ELFN1: variants seen among roughly 807,000 people sequenced by gnomAD.
ELFN1 encodes protein ELFN1.
In ELFN1, 6 loss-of-function variants were observed where a neutral mutation model predicts 7.6. That is an observed-to-expected ratio of 0.79 (90% confidence interval 0.43 to 1.56). The LOEUF (loss-of-function observed/expected upper bound fraction) is 1.56, where lower values mean the gene tolerates loss of function less well. Among genes scored for constraint, ELFN1 ranks in the 40% most tolerant of loss-of-function variants. ELFN1 has a pLI of 0.01. For synonymous variants in ELFN1, 657 were observed against 588.1 expected (o/e 1.12, Z -1.70); for missense variants, 1,169 against 1,232.2 (o/e 0.95, Z 0.77).
In ELFN1 at chr7:1,740,802, T is replaced by G. The variant is rs1485411787; in HGVS notation, c.-293-3502T>G. On this transcript the variant is annotated intron_variant, in intron 3 of 3. Coordinates refer to ENST00000424383, the MANE Select transcript of ELFN1 (RefSeq NM_001128636.4). This position sits in a 1 kb window ranked among gnomAD's most constrained non-coding sequence, Gnocchi z 5.0. ...GTCCTTCTGTGTCTGTGCCTCAGTT[T>G]CCCCGCTGTAAAGTGAGCTGCAGAA... is the stretch of plus-strand genomic sequence containing the variant. 6.6e-6 allele frequency among the ~76,000 whole-genome samples: 1 copy of G among 152,128 alleles called. No homozygotes were observed. Among genetic ancestry groups the G allele is most frequent in the African/African-American group, 2.4e-5 (1 of 41,436 alleles).
intron 1 of ELFN1, among the ~76,000 whole-genome samples, chr7:1,679,705 G>A (rs117599912): frequency 1.6e-4 from 24 of 152,322 alleles, no homozygotes; most frequent in African/African-American, 2.9e-4. Context: ...TTTGTGGGGC[G>A]TTGGCACAGC....
At chr7:1,724,078 C>A (rs529465552) in intron 3 of ELFN1, among the ~76,000 whole-genome samples, 1 of 152,312 alleles carries the variant, frequency 6.6e-6, no homozygotes, top group South Asian at 2.1e-4. Flanking sequence ...GGAACTCAGG[C>A]AAGTTCACGA....
At chr7:1,720,639 C>T (rs879365618) in intron 3 of ELFN1, among the ~76,000 whole-genome samples, 37 of 152,140 alleles carry the variant, frequency 2.4e-4, no homozygotes, top group African/African-American at 8.2e-4. Flanking sequence ...TTTCTGAGCT[C>T]CTTAAAAGCT....
chr7:1,696,246 G>A (rs1339824006), intron 2 of ELFN1, among the ~76,000 whole-genome samples: 1 of 151,570 alleles, frequency 6.6e-6, no homozygotes, highest in Admixed American at 6.6e-5. Flanking sequence ...GGGAGAGAGA[G>A]AGAAAGAGGG....
intron 3 of ELFN1, among the ~76,000 whole-genome samples, chr7:1,736,853 G>A (rs1389189003): frequency 1.3e-5 from 2 of 152,096 alleles, no homozygotes; most frequent in East Asian, 3.9e-4. Flanking sequence ...TATTCAGACG[G>A]GAGAGGGTCT....
chr7:1,702,922 T>C (rs1216446176), intron 2 of ELFN1, among the ~76,000 whole-genome samples: 2 of 145,772 alleles, frequency 1.4e-5, no homozygotes, highest in Non-Finnish European at 2.9e-5. Flanking sequence ...AGCTGCACCG[T>C]GGTGTGATAT....
intron 2 of ELFN1, among the ~76,000 whole-genome samples, chr7:1,708,445 C>A (rs1045154465): frequency 2.0e-5 from 3 of 152,206 alleles, no homozygotes; most frequent in African/African-American, 7.2e-5. Flanking sequence ...CACAGAGCTG[C>A]GCTTGGGCCT....
upstream of ELFN1, among the ~76,000 whole-genome samples, chr7:1,670,145 G>A (rs1381856102): frequency 1.4e-5 from 2 of 146,508 alleles, no homozygotes; most frequent in African/African-American, 5.0e-5. The surrounding 1 kb of genome is among the most constrained non-coding windows in gnomAD (Gnocchi z 6.4). Context: ...GAGCGAGGGA[G>A]GGAGAGAAGG....
At chr7:1,674,495 C>T (rs1778829339) in intron 1 of ELFN1, among the ~76,000 whole-genome samples, 1 of 152,102 alleles carries the variant, frequency 6.6e-6, no homozygotes, top group South Asian at 2.1e-4. Flanking sequence ...GTCTAGCTGG[C>T]CCCTATAGGG....
intron 3 of ELFN1, among the ~76,000 whole-genome samples, chr7:1,741,753 TGAG>T (rs1208119617): frequency 2.0e-5 from 3 of 152,064 alleles, no homozygotes; most frequent in East Asian, 1.9e-4. Flanking sequence ...TGTGTGAACA[TGAG>T]GAGGAAATCT....
chr7:1,729,874 C>T (rs920978537), intron 3 of ELFN1, among the ~76,000 whole-genome samples: 1 of 152,262 alleles, frequency 6.6e-6, no homozygotes, highest in African/African-American at 2.4e-5. Flanking sequence ...CCTCCCCTCT[C>T]AAATGCCTAC....
rs1780567215 is a variant in ELFN1 at position 1,740,139 on chromosome 7, G to A, written c.-293-4165G>A. ...GGGCTGGAGGTATCAGACCTGAGGG[G>A]TGCCCATTCCAGAGGCGCCACGGCC... is the stretch of plus-strand genomic sequence containing the variant. On this transcript the variant is annotated intron_variant, in intron 3 of 3. Transcript: ENST00000424383. The surrounding 1 kb of genome is among the most constrained non-coding windows in gnomAD (Gnocchi z 5.0). Among the ~76,000 whole-genome samples the A allele has an allele frequency of 6.6e-6, 1 of 152,206 alleles. No homozygotes were observed. The highest frequency in any genetic ancestry group is 1.5e-5 in the Non-Finnish European group (1 of 68,022).
chr7:1,697,787 A>G (rs1428206032), intron 2 of ELFN1, among the ~76,000 whole-genome samples: 1 of 152,106 alleles, frequency 6.6e-6, no homozygotes, highest in East Asian at 1.9e-4. Context: ...AAATTGTTTA[A>G]TCGTAATTTA....
intron 3 of ELFN1, among the ~76,000 whole-genome samples, chr7:1,711,875 C>T (rs995845596): frequency 2.0e-5 from 3 of 152,232 alleles, no homozygotes; most frequent in African/African-American, 7.2e-5. Context: ...GGGGCGGCAG[C>T]TCGGACCGTG....
chr7:1,671,834 C>T (rs1304958274), intron 1 of ELFN1, among the ~76,000 whole-genome samples: 1 of 152,236 alleles, frequency 6.6e-6, no homozygotes, highest in African/African-American at 2.4e-5. Flanking sequence ...GGACAAACTC[C>T]AGGGGGCCGT....
intron 1 of ELFN1, among the ~76,000 whole-genome samples, chr7:1,681,523 C>T (rs975638405): frequency 3.9e-5 from 6 of 152,156 alleles, no homozygotes; most frequent in Non-Finnish European, 8.8e-5. Context: ...CCACCATGCC[C>T]AGCTGATTTT....
intron 1 of ELFN1, among the ~76,000 whole-genome samples, chr7:1,674,477 G>T (rs1778828991): frequency 6.6e-6 from 1 of 152,170 alleles, no homozygotes; most frequent in Non-Finnish European, 1.5e-5. Context: ...TGGGGCTGAG[G>T]AGGAGGGGTC....
chr7:1,711,988 G>A (rs373917844), intron 3 of ELFN1, among the ~76,000 whole-genome samples: 6 of 152,344 alleles, frequency 3.9e-5, no homozygotes, highest in East Asian at 3.9e-4. Flanking sequence ...CAGTTAGGGC[G>A]AGGACAGCAG....
In ELFN1 at chr7:1,670,631, C is replaced by T. The variant is rs1031144980; in HGVS notation, c.-549+277C>T. Among the ~76,000 whole-genome samples, 37 of 146,198 alleles carry T rather than the reference C, an allele frequency of 2.5e-4. No individual in the cohort carries two copies. The highest frequency in any genetic ancestry group is 1.0e-3 in the African/African-American group (37 of 35,818). On this transcript the variant is annotated intron_variant, in intron 1 of 3. Transcript: ENST00000424383. The surrounding 1 kb of genome is among the most constrained non-coding windows in gnomAD (Gnocchi z 6.4). ...GGTCGCTGCCGCAGCCCGCACGCTG[C>T]CCCGTGCCTCCGAGAGGTCCCTTCC...
Sources: gnomAD v4.1 joint callset for allele counts (sites outside exome capture counted in the v4.1 genomes callset) on GRCh38, gnomAD v4.1.1 for gene constraint, Gnocchi (gnomAD v3.1) non-coding constraint, MANE v1.5 for transcripts, NCBI Gene and HGNC (gene_info 2026-07-23, HGNC 2026-07-21) for gene names.